LRP5: variants seen among roughly 807,000 people sequenced by gnomAD.
LRP5 encodes low-density lipoprotein receptor-related protein 5.
In LRP5, 62 loss-of-function variants were observed where a neutral mutation model predicts 154.1. The observed-to-expected ratio is 0.40, with a 90% CI of 0.33 to 0.50. The LOEUF (loss-of-function observed/expected upper bound fraction) is 0.50. LRP5 is among the 20% of genes least tolerant of loss of function. The probability of loss-of-function intolerance (pLI) is 0.55; values close to 1 mark genes in which losing one functional copy is unlikely to be tolerated. For missense variants in LRP5, 1,915 were observed against 2,336.7 expected (o/e 0.82, Z 3.72); for synonymous variants, 966 against 1,011.5 (o/e 0.96, Z 0.85).
chr11:68,377,835 T>G (rs1269785685), intron 5 of LRP5, among the ~76,000 whole-genome samples: 1 of 150,452 alleles, frequency 6.6e-6, no homozygotes, highest in Non-Finnish European at 1.5e-5. Flanking sequence ...AGGCCGATTC[T>G]CAGCTTTCCC....
chr11:68,329,672 A>T (rs1349875897), intron 1 of LRP5, among the ~76,000 whole-genome samples: 1 of 152,098 alleles, frequency 6.6e-6, no homozygotes, highest in African/African-American at 2.4e-5. Flanking sequence ...CGCCTCCCAT[A>T]TGAACCTGAG....
At chr11:68,411,373 C>T in intron 10 of LRP5, 63 bp from the exon 11 acceptor site, 2 of 1,562,792 alleles carry the variant, frequency 1.3e-6, no homozygotes, top group Non-Finnish European at 1.7e-6. Flanking sequence ...GTCCCCCCGC[C>T]ACCCACTGTC....
chr11:68,421,686 CTGTG>C (rs148066763), intron 13 of LRP5, among the ~76,000 whole-genome samples: 2,337 of 133,310 alleles, frequency 0.018, 43 homozygotes, highest in East Asian at 0.078. Context: ...CCCAGCAAGG[CTGTG>C]TGTGTGTGTG....
Position 68,438,567 on chromosome 11 carries a change from G to A in LRP5, c.4233G>A (p.Val1411=). The change falls in exon 20 of 23, where the codon GTG becomes GTA. Residue 1411 remains valine (V), a synonymous_variant. Coordinates refer to ENST00000294304, the MANE Select transcript of LRP5 (RefSeq NM_002335.4). ...TCTATTTTGTGTGCCAGCGCGTGGTGTGCCAGCGCTATGCGGGGGCCAACG... is the reference window on the plus strand; with the variant it reads ...TCTATTTTGTGTGCCAGCGCGTGGTATGCCAGCGCTATGCGGGGGCCAACG... ...GGVYFVCQRV[V]CQRYAGANGP... is the part of the protein sequence containing the mutation. 2 of 1,614,170 alleles carry A rather than the reference G, an allele frequency of 1.2e-6. No homozygotes were observed. Among genetic ancestry groups the A allele is most frequent in the Non-Finnish European group, 1.7e-6 (2 of 1,180,024 alleles).
At chr11:68,310,995 T>C (rs930146953), upstream of LRP5, among the ~76,000 whole-genome samples, 1 of 151,988 alleles carries the variant, frequency 6.6e-6, no homozygotes, top group African/African-American at 2.4e-5. Context: ...TCACGAGCCC[T>C]GGAGCTTCCC....
rs121908666 is a variant in LRP5 at position 68,389,921 on chromosome 11, G to A, written c.1453G>A (p.Glu485Lys). 1 of 1,614,222 alleles carries A rather than the reference G, an allele frequency of 6.2e-7. No homozygotes were observed. Among genetic ancestry groups the A allele is most frequent in the Non-Finnish European group, 8.5e-7 (1 of 1,180,040 alleles). ...AGACTGGGGAGAGAACCCTAAAATC[G>A]AGTGTGCCAACTTGGATGGGCAGGA... ...WTDWGENPKI[E>K]CANLDGQERR... is the part of the protein sequence containing the mutation. The change falls in exon 7 of 23, where the codon GAG (glutamate) becomes AAG (lysine). Residue 485 changes from glutamate (E) to lysine (K), a missense_variant. Glu to Lys is a moderately conservative substitution (Grantham distance 56, BLOSUM62 1). Coordinates refer to ENST00000294304, the MANE Select transcript of LRP5 (RefSeq NM_002335.4).
At chr11:68,309,045 T>C (rs1228053601), upstream of LRP5, among the ~76,000 whole-genome samples, 1 of 147,742 alleles carries the variant, frequency 6.8e-6, no homozygotes, top group Non-Finnish European at 1.5e-5. Context: ...GCCATTCTCC[T>C]GCCTCAGCCT....
intron 1 of LRP5, among the ~76,000 whole-genome samples, chr11:68,338,575 C>G (rs1389715634): frequency 6.6e-6 from 1 of 152,140 alleles, no homozygotes; most frequent in Non-Finnish European, 1.5e-5. Flanking sequence ...CAGACATGCA[C>G]CCACTAGAGA....
In LRP5 at chr11:68,386,276, A is replaced by C. The variant is rs1033815627; in HGVS notation, c.1016-40A>C. On this transcript the variant is annotated intron_variant, in intron 5 of 22. Transcript: ENST00000294304. The surrounding 1 kb of genome is among the most constrained non-coding windows in gnomAD (Gnocchi z 7.9). ...CCAGGCCTAGACTTGTGCCTGCTGC[A>C]GGCCCTTGACCCCTGACCCCATTGC... is the stretch of plus-strand genomic sequence containing the variant. 18 of 1,606,120 alleles carry C rather than the reference A, an allele frequency of 1.1e-5. No homozygotes were observed. The highest frequency in any genetic ancestry group is 1.4e-5 in the Non-Finnish European group (16 of 1,179,750).
intron 5 of LRP5, among the ~76,000 whole-genome samples, chr11:68,374,763 C>A (rs1039574348): frequency 2.6e-5 from 4 of 152,160 alleles, no homozygotes; most frequent in Admixed American, 1.3e-4. Context: ...GGAAATGGAA[C>A]CACGCAGCTG....
chr11:68,433,883 C>T (rs1019288725), intron 18 of LRP5, 45 bp downstream of exon 18: 9 of 1,574,450 alleles, frequency 5.7e-6, no homozygotes, highest in Non-Finnish European at 7.8e-6. Context: ...CTGGCCCTGC[C>T]CTCCGGGATA....
chr11:68,445,045 C>T (rs539047804), intron 21 of LRP5, among the ~76,000 whole-genome samples: 7 of 152,234 alleles, frequency 4.6e-5, no homozygotes, highest in African/African-American at 1.7e-4. Context: ...AGGATAGCCC[C>T]AGGAAGCAGG....
At chr11:68,355,427 C>T (rs1053885745) in intron 2 of LRP5, among the ~76,000 whole-genome samples, 2 of 152,208 alleles carry the variant, frequency 1.3e-5, no homozygotes, top group African/African-American at 4.8e-5. Flanking sequence ...TGGGCACTGT[C>T]CCCTTTCTCT....
In LRP5 at chr11:68,433,702, C is replaced by A; in HGVS notation, c.3864C>A (p.Asp1288Glu). 2 of 1,613,192 alleles carry A rather than the reference C, an allele frequency of 1.2e-6. No homozygotes were observed. Among genetic ancestry groups the A allele is most frequent in the South Asian group, 1.1e-5 (1 of 91,082 alleles). The change falls in exon 18 of 23, where the codon GAC becomes GAA. Residue 1288 changes from aspartate (D) to glutamate (E), a missense_variant. Asp to Glu is a conservative substitution (Grantham distance 45). Around this residue, in one of 3 missense-constraint regions of LRP5, gnomAD observed 1,094 missense variants for 1,210.1 expected, o/e 0.90. Transcript: ENST00000294304. Reference protein sequence around the residue: ...WRCDGFPECDDQSDEEGCPVC... With the variant: ...WRCDGFPECDEQSDEEGCPVC... ...GTGACGGCTTTCCCGAGTGCGATGA[C>A]CAGAGCGACGAGGAGGGCTGCCCCG...
intron 5 of LRP5, among the ~76,000 whole-genome samples, chr11:68,368,552 C>T (rs2098632334): frequency 1.3e-5 from 2 of 152,224 alleles, no homozygotes; most frequent in Admixed American, 1.3e-4. Flanking sequence ...GTCTGCACTT[C>T]CATTTTGCAG....
rs1383906324 is a variant in LRP5, at chr11:68,448,896, G to A, written c.4674G>A (p.Lys1558=). 2 of 1,613,644 alleles carry A rather than the reference G, an allele frequency of 1.2e-6. No homozygotes were observed. The highest frequency in any genetic ancestry group is 8.5e-7 in the Non-Finnish European group (1 of 1,180,014). ...GCGACTACAGCGCCAGCCGCTGGAA[G>A]GCCAGCAAGTACTACCTGGATTTGA... ...CDSDYSASRW[K]ASKYYLDLNS... is the part of the protein sequence containing the mutation. The change falls in exon 23 of 23, where the codon AAG becomes AAA. Residue 1558 remains lysine (K), a synonymous_variant. Coordinates refer to ENST00000294304, the MANE Select transcript of LRP5 (RefSeq NM_002335.4).
chr11:68,363,715 A>G, intron 3 of LRP5, 32 bp from the exon 4 acceptor site: 1 of 1,586,776 alleles, frequency 6.3e-7, no homozygotes, highest in Non-Finnish European at 8.6e-7. Flanking sequence ...GACCCTCCTG[A>G]TGGCTCCTCC....
chr11:68,326,839 A>G (rs546150976), intron 1 of LRP5, among the ~76,000 whole-genome samples: 1 of 152,192 alleles, frequency 6.6e-6, no homozygotes, highest in Admixed American at 6.5e-5. Context: ...GGAAGCCTTC[A>G]TGGTCCTCAT....
intron 4 of LRP5, among the ~76,000 whole-genome samples, 200 bp downstream of exon 4, chr11:68,364,143 T>G: frequency 6.8e-6 from 1 of 147,980 alleles, no homozygotes; most frequent in South Asian, 2.2e-4. Context: ...TGGAGGGAGG[T>G]GTGTGGCTGG....
Sources: allele counts gnomAD v4.1 joint callset (sites outside exome capture counted in the v4.1 genomes callset), GRCh38; gene constraint gnomAD v4.1.1; regional missense constraint gnomAD v4.1.1; non-coding constraint Gnocchi (gnomAD v3.1); transcripts MANE v1.5; gene names NCBI Gene and HGNC (gene_info 2026-07-23, HGNC 2026-07-21).